Variants in PHLDB1 observed in about 807,000 individuals in gnomAD.
PHLDB1 encodes pleckstrin homology-like domain family B member 1.
PHLDB1 carries 65 observed loss-of-function variants against 139.3 expected under a neutral mutation model. The ratio of observed to expected loss-of-function variants is 0.47; its 90% confidence interval spans 0.38 to 0.57. The LOEUF (loss-of-function observed/expected upper bound fraction) is 0.57. Ranked by LOEUF, PHLDB1 falls within the 20% of genes least tolerant of loss-of-function variation. The pLI is 0.00. For missense variants in PHLDB1, 1,624 were observed against 1,839.7 expected, an observed-to-expected ratio of 0.88 and a Z score of 2.14; for synonymous variants, 679 against 734.5, an observed-to-expected ratio of 0.92 and a Z score of 1.22.
intron 5 of PHLDB1, among the ~76,000 whole-genome samples, chr11:118,626,132 C>T (rs1325207257): frequency 6.6e-6 from 1 of 152,166 alleles, no homozygotes; most frequent in African/African-American, 2.4e-5. Context: ...TCCTTGCTGG[C>T]AGCCTGGCTT....
In PHLDB1 at chr11:118,635,363, A is replaced by G. The variant is rs1945475223; in HGVS notation, c.2380-30A>G. The G allele has an allele frequency of 3.9e-6, 6 of 1,549,404 alleles. No individual in the cohort carries two copies. In the East Asian group the frequency reaches 1.4e-4, roughly 36 times the overall value. On this transcript the variant is annotated intron_variant, in intron 9 of 22. Coordinates refer to ENST00000600882, the MANE Select transcript of PHLDB1 (RefSeq NM_001144758.3). ...GGCCCAGAGTGGCATTGCAAGCACC[A>G]CCCAACCCCCTTTGTCACTGTCGTT...
chr11:118,626,191 C>G (rs782468563), intron 5 of PHLDB1, among the ~76,000 whole-genome samples: 1 of 151,982 alleles, frequency 6.6e-6, no homozygotes, highest in Non-Finnish European at 1.5e-5. Context: ...TCTGATTGGA[C>G]GAAGTGGTGC....
rs1334217591 is a variant in PHLDB1, at chr11:118,608,461, C to T, written c.-22+762C>T. On this transcript the variant is annotated intron_variant, in intron 1 of 22. Transcript: ENST00000600882. This position sits in a 1 kb window ranked among gnomAD's most constrained non-coding sequence, Gnocchi z 6.7. ...GCGGGCGGCTGGGTAGGGGCGCCGGCGCAGGGTGGCCGAGTCGCCCGCTAG... is the reference window on the plus strand; with the variant it reads ...GCGGGCGGCTGGGTAGGGGCGCCGGTGCAGGGTGGCCGAGTCGCCCGCTAG... Among the ~76,000 whole-genome samples, 2 of 152,156 alleles carry T rather than the reference C, an allele frequency of 1.3e-5. No individual in the cohort carries two copies. The highest frequency in any genetic ancestry group is 2.9e-5 in the Non-Finnish European group (2 of 68,002).
chr11:118,642,525 CTCTGGGCCCTG>C, intron 13 of PHLDB1, 131 bp downstream of exon 13: 1 of 1,073,986 alleles, frequency 9.3e-7, no homozygotes, highest in Non-Finnish European at 1.3e-6. Context: ...ATGAGGGCAC[CTCTGGGCCCTG>C]AGAGGGTCAC....
At chr11:118,630,078 G>T (rs1159802496) in intron 6 of PHLDB1, 13 of 1,275,580 alleles carry the variant, frequency 1.0e-5, no homozygotes, top group Non-Finnish European at 1.3e-5. Flanking sequence ...CAGGAGGGAA[G>T]CTGGGTAAGT....
At chr11:118,609,525 T>C (rs1591412988) in intron 1 of PHLDB1, among the ~76,000 whole-genome samples, 1 of 113,308 alleles carries the variant, frequency 8.8e-6, no homozygotes, top group Non-Finnish European at 1.9e-5. Context: ...CCCTCACACA[T>C]GCAGCCCCAG....
intron 18 of PHLDB1, among the ~76,000 whole-genome samples, chr11:118,649,559 A>T (rs1053344508): frequency 2.0e-5 from 3 of 152,180 alleles, no homozygotes; most frequent in African/African-American, 7.2e-5. Context: ...TGGGACAGGA[A>T]GAGTAGAAAA....
At chr11:118,641,757 G>A (rs781871277) in intron 12 of PHLDB1, 18 of 1,289,472 alleles carry the variant, frequency 1.4e-5, no homozygotes, top group African/African-American at 4.6e-5. Flanking sequence ...CCTCCTCCTC[G>A]TTCGCTTCCA....
Position 118,628,063 on chromosome 11 carries a change from CGGGTGCTAACAA to C in PHLDB1, c.1241_1252del (p.Arg414_Thr418delinsPro). 1.2e-6 allele frequency: 2 copies of C among 1,614,036 alleles called. No individual in the cohort carries two copies. Among genetic ancestry groups the C allele is most frequent in the Non-Finnish European group, 1.7e-6 (2 of 1,180,018 alleles). On this transcript the variant is annotated inframe_deletion, in exon 6 of 23. Coordinates refer to ENST00000600882, the MANE Select transcript of PHLDB1 (RefSeq NM_001144758.3). ...TTTCCGTGAGCCTCCAGGCAGTGAG[CGGGTGCTAACAA>C]CCAGCCCCTCACGCCAACTGGTGGG...
In PHLDB1 at chr11:118,650,078, C is replaced by G; in HGVS notation, c.3656C>G (p.Ala1219Gly). Residue 1219 changes from alanine to glycine, a missense_variant and splice_region_variant, in exon 19 of 23, where the codon GCA becomes GGA. Physicochemically the swap from Ala to Gly is moderately conservative, Grantham distance 60 (BLOSUM62 0). Transcript: ENST00000600882. This position sits in a 1 kb window ranked among gnomAD's most constrained non-coding sequence, Gnocchi z 4.7. ...VKMREKQFSQ[A>G]RPLTRYLPIR... is the part of the protein sequence containing the mutation. ...CCTGACCCTCCCTCTTGCTCCCAGG[C>G]ACGACCCCTGACCCGCTACCTGCCA... The G allele has an allele frequency of 1.2e-6, 2 of 1,612,474 alleles. No individual in the cohort carries two copies. Among genetic ancestry groups the G allele is most frequent in the Non-Finnish European group, 1.7e-6 (2 of 1,178,498 alleles).
chr11:118,648,189 A>G, intron 18 of PHLDB1, 113 bp downstream of exon 18: 1 of 1,102,428 alleles, frequency 9.1e-7, no homozygotes, highest in Non-Finnish European at 1.3e-6. Flanking sequence ...ACTCCAGAAA[A>G]GATTGCTGTT....
intron 15 of PHLDB1, chr11:118,644,626 G>A (rs1947150110): frequency 7.8e-7 from 1 of 1,284,070 alleles, no homozygotes; most frequent in African/African-American, 1.5e-5. Context: ...CGTACCCTCT[G>A]CCTGGGGTCC....
chr11:118,643,908 G>T lies in PHLDB1; in HGVS notation c.2986G>T (p.Val996Leu). 6.2e-7 allele frequency: 1 copy of T among 1,608,218 alleles called. No homozygotes were observed. Among genetic ancestry groups the T allele is most frequent in the Non-Finnish European group, 8.5e-7 (1 of 1,177,312 alleles). The change falls in exon 14 of 23, where the codon GTG becomes TTG. Residue 996 changes from valine to leucine, a missense_variant. Coordinates refer to ENST00000600882, the MANE Select transcript of PHLDB1 (RefSeq NM_001144758.3). ...GSSSSSSQLS[V>L]ATLGRSPSPK... ...TTCCTCCTCCTCCTCCCAGCTCAGC[G>T]TGGCTACCCTGGGGCGTAGCCCCTC...
In PHLDB1 at chr11:118,628,525, C is replaced by T. The variant is rs573840606; in HGVS notation, c.1702C>T (p.Arg568Trp). The change falls in exon 6 of 23, where the codon CGG becomes TGG. Residue 568 changes from arginine to tryptophan, a missense_variant. Transcript: ENST00000600882. ...VQRKLSSGDLRVPVTRERKNS... is the reference protein window; with the variant it reads ...VQRKLSSGDLWVPVTRERKNS... ...GAGGAAGCTCTCCAGCGGGGACTTGCGGGTGCCTGTCACAAGGGAGCGGAA... is the reference window on the plus strand; with the variant it reads ...GAGGAAGCTCTCCAGCGGGGACTTGTGGGTGCCTGTCACAAGGGAGCGGAA... The T allele has an allele frequency of 2.2e-5, 35 of 1,613,184 alleles. No individual in the cohort carries two copies. In the South Asian group the frequency reaches 2.5e-4, roughly 12 times the overall value.
In PHLDB1 at chr11:118,616,175, G is replaced by A; in HGVS notation, c.319G>A (p.Gly107Arg). The part of the protein sequence containing the change: ...YPCGNACTID[G>R]LPVRQPTRLT... ...CTGTGGCAATGCCTGCACTATTGAT[G>A]GGCTCCCTGTCCGGCAGCCTACCCG... The change falls in exon 4 of 23, where the codon GGG becomes AGG. Residue 107 changes from glycine to arginine, a missense_variant. By Grantham distance (125) the Gly-to-Arg change is moderately radical. Transcript: ENST00000600882. 1 of 1,614,092 alleles carries A rather than the reference G, an allele frequency of 6.2e-7. No individual in the cohort carries two copies. Among genetic ancestry groups the A allele is most frequent in the Non-Finnish European group, 8.5e-7 (1 of 1,180,008 alleles).
chr11:118,626,770 C>T (rs564451366), intron 5 of PHLDB1, among the ~76,000 whole-genome samples: 3 of 152,148 alleles, frequency 2.0e-5, no homozygotes, highest in Admixed American at 2.0e-4. Context: ...TCTCATACCT[C>T]AGCCTCCTGA....
chr11:118,634,743 TCTC>T (rs1403855230), intron 9 of PHLDB1: 3 of 243,554 alleles, frequency 1.2e-5, no homozygotes, highest in African/African-American at 7.0e-5. Context: ...GCCTGGTTAT[TCTC>T]CTCTTTGATT....
rs373770409 is a variant in PHLDB1, at chr11:118,643,936, C to T, written c.3014C>T (p.Pro1005Leu). 2 of 1,597,842 alleles carry T rather than the reference C, an allele frequency of 1.3e-6. No individual in the cohort carries two copies. Among genetic ancestry groups the T allele is most frequent in the African/African-American group, 2.7e-5 (2 of 74,628 alleles). ...SVATLGRSPSPKSALLTQNGT... is the reference protein window; with the variant it reads ...SVATLGRSPSLKSALLTQNGT... ...GCTACCCTGGGGCGTAGCCCCTCCC[C>T]AAAGGTCTGAGGACAGTGGGTGGGG... The change falls in exon 14 of 23, where the codon CCA becomes CTA. Residue 1005 changes from proline to leucine, a missense_variant. Pro to Leu is a moderately conservative substitution (Grantham distance 98). Transcript: ENST00000600882.
At chr11:118,613,952 C>T in intron 2 of PHLDB1, 56 bp downstream of exon 2, 1 of 1,101,514 alleles carries the variant, frequency 9.1e-7, no homozygotes, top group Non-Finnish European at 1.4e-6. Context: ...GGGATCAGCT[C>T]TTCTACCCCC....
Sources: allele counts gnomAD v4.1 joint callset (sites outside exome capture counted in the v4.1 genomes callset), GRCh38; gene constraint gnomAD v4.1.1; non-coding constraint Gnocchi (gnomAD v3.1); transcripts MANE v1.5; gene names NCBI Gene and HGNC (gene_info 2026-07-23, HGNC 2026-07-21).